The following LARP4B variants were observed in gnomAD, a reference collection of about 807,000 sequenced individuals.
LARP4B encodes La ribonucleoprotein 4B.
In LARP4B, 12 loss-of-function variants were observed where a neutral mutation model predicts 89.8. The observed-to-expected ratio is 0.13, with a 90% CI of 0.09 to 0.22. The LOEUF (loss-of-function observed/expected upper bound fraction) is 0.22. LARP4B is among the 10% of genes least tolerant of loss of function. The pLI is 1.00. For missense variants in LARP4B, 757 were observed against 947.7 expected (o/e 0.80, Z 2.64); for synonymous variants, 367 against 363.3 (o/e 1.01, Z -0.12).
At chr10:897,945 GCCA>G (rs1836234910) in intron 1 of LARP4B, among the ~76,000 whole-genome samples, 1 of 128,640 alleles carries the variant, frequency 7.8e-6, no homozygotes, top group South Asian at 2.4e-4. Context: ...CCAAGATCAC[GCCA>G]CTGCACTCCA....
At chr10:824,434 A>G (rs1471504771) in intron 13 of LARP4B, among the ~76,000 whole-genome samples, 1 of 152,216 alleles carries the variant, frequency 6.6e-6, no homozygotes, top group African/African-American at 2.4e-5. Context: ...TCAAGGCTGT[A>G]GTGAGCCATG....
the LARP4B span, among the ~76,000 whole-genome samples, chr10:943,750 C>T: frequency 1.3e-5 from 2 of 151,792 alleles, no homozygotes; most frequent in Non-Finnish European, 2.9e-5. Flanking sequence ...AGGGAAGGTG[C>T]AGGGGGGCCC....
chr10:922,651 G>A (rs1312258894), intron 1 of LARP4B, among the ~76,000 whole-genome samples: 1 of 150,962 alleles, frequency 6.6e-6, no homozygotes, highest in East Asian at 1.9e-4. Context: ...CTGCAGCCTG[G>A]GCAACAGAAC....
intron 3 of LARP4B, among the ~76,000 whole-genome samples, chr10:868,089 A>G (rs1171131814): frequency 6.6e-6 from 1 of 151,960 alleles, no homozygotes; most frequent in East Asian, 1.9e-4. Context: ...AAAATAACGT[A>G]TCAATTAATA....
At chr10:965,926 G>A in the LARP4B span, among the ~76,000 whole-genome samples, 1 of 152,134 alleles carries the variant, frequency 6.6e-6, no homozygotes, top group Non-Finnish European at 1.5e-5. Context: ...TTAGGAGAGA[G>A]AGGCCTCATG....
In LARP4B at chr10:856,997, A is replaced by G. The variant is rs568371527; in HGVS notation, c.430+6746T>C. On this transcript the variant is annotated intron_variant, in intron 5 of 17. Transcript: ENST00000316157. The stretch of plus-strand genomic sequence containing the variant: ...AGTCCAGGGCCCGGGCTCACTACAG[A>G]CTTGAGACTCCCAGGCCTCTTATGG... Among the ~76,000 whole-genome samples, 8 of 152,026 alleles carry G rather than the reference A, an allele frequency of 5.3e-5. No individual in the cohort carries two copies. The South Asian group carries it at 1.7e-3, about 32-fold the overall frequency.
At chr10:979,649 GTTCTT>G in the LARP4B span, among the ~76,000 whole-genome samples, 1 of 152,146 alleles carries the variant, frequency 6.6e-6, no homozygotes, top group South Asian at 2.1e-4. Flanking sequence ...TCCTTTGTTG[GTTCTT>G]TTAACCCAGC....
rs1394533566 is a variant in LARP4B at position 888,343 on chromosome 10, A to C, written c.-39-2583T>G. Among the ~76,000 whole-genome samples the C allele has an allele frequency of 2.7e-5, 4 of 150,778 alleles. No homozygotes were observed. In the Admixed American group the frequency reaches 2.7e-4, roughly 10 times the overall value. On this transcript the variant is annotated intron_variant, in intron 1 of 17. Transcript: ENST00000316157. ...TCAAAAACAAACAAACAAACAAAAA[A>C]AAAAAAACACACACACACACACAAA...
At chr10:854,230 C>T (rs1028444909) in intron 5 of LARP4B, among the ~76,000 whole-genome samples, 3 of 152,156 alleles carry the variant, frequency 2.0e-5, no homozygotes, top group Non-Finnish European at 2.9e-5. Flanking sequence ...CTCCACTGGT[C>T]ATGAACCCCT....
the LARP4B span, among the ~76,000 whole-genome samples, chr10:975,581 C>G: frequency 6.6e-6 from 1 of 152,196 alleles, no homozygotes; most frequent in African/African-American, 2.4e-5. Context: ...CACTGCGTGG[C>G]GAATCGTCTG....
At chr10:840,663 C>T (rs1327941534) in intron 7 of LARP4B, among the ~76,000 whole-genome samples, 11 of 152,218 alleles carry the variant, frequency 7.2e-5, no homozygotes, top group Admixed American at 2.6e-4. Flanking sequence ...TACTGGGACA[C>T]GCACATTGTG....
the LARP4B span, chr10:972,251 C>T: frequency 2.9e-6 from 1 of 340,366 alleles, no homozygotes; most frequent in South Asian, 2.4e-5. Flanking sequence ...TTGTCTTGAA[C>T]TCCTGACCTC....
chr10:929,311 T>G (rs1837237267), intron 1 of LARP4B, among the ~76,000 whole-genome samples: 1 of 152,174 alleles, frequency 6.6e-6, no homozygotes, highest in African/African-American at 2.4e-5. Flanking sequence ...AAAAATTCAG[T>G]AAGCTGGGCG....
At chr10:946,642 G>A in the LARP4B span, among the ~76,000 whole-genome samples, 1 of 152,126 alleles carries the variant, frequency 6.6e-6, no homozygotes, top group Non-Finnish European at 1.5e-5. Flanking sequence ...ATTTTGGCAA[G>A]TTATTTAACC....
upstream of LARP4B, among the ~76,000 whole-genome samples, chr10:934,712 T>A (rs1318892610): frequency 6.6e-6 from 1 of 152,176 alleles, no homozygotes; most frequent in Non-Finnish European, 1.5e-5. Flanking sequence ...AAGATCAGTT[T>A]TTTAAAACTT....
the LARP4B span, among the ~76,000 whole-genome samples, chr10:978,496 C>T: frequency 1.3e-5 from 2 of 151,826 alleles, no homozygotes; most frequent in Non-Finnish European, 2.9e-5. Flanking sequence ...TTTCAATTAG[C>T]TTTTGTTAAC....
At chr10:864,356 G>C (rs1179135284) in intron 3 of LARP4B, 86 bp from the exon 4 acceptor site, 4 of 1,344,386 alleles carry the variant, frequency 3.0e-6, no homozygotes, top group Non-Finnish European at 4.2e-6. Context: ...AGAGACATCA[G>C]ATATAGGCTC....
chr10:885,570 C>T, intron 2 of LARP4B, 71 bp downstream of exon 2: 6 of 1,101,258 alleles, frequency 5.4e-6, no homozygotes, highest in South Asian at 4.3e-5. Flanking sequence ...GAACTCCTTA[C>T]TAACTCCAAT....
intron 5 of LARP4B, among the ~76,000 whole-genome samples, chr10:847,797 G>A (rs1165851182): frequency 2.6e-5 from 4 of 152,146 alleles, no homozygotes; most frequent in Non-Finnish European, 4.4e-5. Flanking sequence ...CCAAAGTGCT[G>A]GGATTCCAGG....
Sources: gnomAD v4.1 joint callset for allele counts (sites outside exome capture counted in the v4.1 genomes callset) on GRCh38, gnomAD v4.1.1 for gene constraint, MANE v1.5 for transcripts, NCBI Gene and HGNC (gene_info 2026-07-23, HGNC 2026-07-21) for gene names.